TBCK: variants seen among roughly 807,000 people sequenced by gnomAD.
TBCK encodes TBC domain-containing protein kinase-like protein.
TBCK carries 99 observed loss-of-function variants against 113.4 expected under a neutral mutation model. That is an observed-to-expected ratio of 0.87 (90% CI 0.74 to 1.03). TBCK has a LOEUF of 1.03. Ranked by LOEUF, TBCK falls within the 50% of genes least tolerant of loss-of-function variation. The probability of loss-of-function intolerance (pLI) is 0.00; values close to 1 mark genes in which losing one functional copy is unlikely to be tolerated. For missense variants in TBCK, 1,045 were observed against 1,061.3 expected, an observed-to-expected ratio of 0.98 and a Z score of 0.21; for synonymous variants, 369 against 370.8, an observed-to-expected ratio of 1.00 and a Z score of 0.05.
Position 106,116,342 on chromosome 4 carries a change from C to G in TBCK, c.2272G>C (p.Glu758Gln). Residue 758 changes from glutamate to glutamine, a missense_variant, in exon 24 of 26, where the codon GAA becomes CAA. Coordinates refer to ENST00000394708, the MANE Select transcript of TBCK (RefSeq NM_001163435.3). ...ESIPLNDLKSEVSPRISAEDL... is the reference protein window; with the variant it reads ...ESIPLNDLKSQVSPRISAEDL... The stretch of plus-strand genomic sequence containing the variant: ...TCTGCTGAAATCCGTGGTGATACTT[C>G]TGACTTCAGGTCATTTAATGGGATG... 6.2e-7 allele frequency: 1 copy of G among 1,613,308 alleles called. No homozygotes were observed. Among genetic ancestry groups the G allele is most frequent in the Non-Finnish European group, 8.5e-7 (1 of 1,179,874 alleles).
chr4:106,120,330 C>G (rs1309599890), intron 23 of TBCK, among the ~76,000 whole-genome samples: 1 of 152,180 alleles, frequency 6.6e-6, no homozygotes, highest in Middle Eastern at 3.4e-3. Flanking sequence ...CACAGAGTCT[C>G]GCTGATTGCT....
At chr4:106,157,119 G>A (rs2149697124) in intron 23 of TBCK, among the ~76,000 whole-genome samples, 1 of 152,238 alleles carries the variant, frequency 6.6e-6, no homozygotes, top group East Asian at 1.9e-4. Context: ...TTCTGGCCCA[G>A]GGTGTGTCTA....
chr4:106,291,953 G>A (rs951891233), intron 3 of TBCK, among the ~76,000 whole-genome samples: 1 of 152,168 alleles, frequency 6.6e-6, no homozygotes, highest in Non-Finnish European at 1.5e-5. Flanking sequence ...TTGCTTTTGT[G>A]CAATATATTT....
chr4:106,150,405 A>G (rs1359613553), intron 23 of TBCK, among the ~76,000 whole-genome samples: 1 of 152,158 alleles, frequency 6.6e-6, no homozygotes, highest in Non-Finnish European at 1.5e-5. Flanking sequence ...TAAGCAACAC[A>G]TAGGGACTTT....
chr4:106,231,902 T>C (rs749221797), intron 17 of TBCK, 123 bp from the exon 18 acceptor site: 42 of 861,978 alleles, frequency 4.9e-5, no homozygotes, highest in Non-Finnish European at 6.9e-5. Context: ...GTATTATCCA[T>C]CCAGAAATAT....
chr4:106,173,382 T>C (rs1460230564), intron 22 of TBCK, among the ~76,000 whole-genome samples: 1 of 152,152 alleles, frequency 6.6e-6, no homozygotes, highest in Non-Finnish European at 1.5e-5. Flanking sequence ...TGGCAGCTAA[T>C]GAGAGAAAAT....
chr4:106,212,701 CT>C, intron 20 of TBCK, 48 bp downstream of exon 20: 1 of 1,342,784 alleles, frequency 7.4e-7, no homozygotes, highest in South Asian at 1.3e-5. Flanking sequence ...CTAATAATTT[CT>C]GCTTTTTTTT....
chr4:106,053,222 T>C (rs899715423), intron 25 of TBCK, among the ~76,000 whole-genome samples: 7 of 151,634 alleles, frequency 4.6e-5, no homozygotes, highest in Admixed American at 3.3e-4. Context: ...TCTAATGGTT[T>C]GTCCTATCTC....
intron 9 of TBCK, 46 bp downstream of exon 9, chr4:106,248,199 T>C (rs1394038587): frequency 3.0e-6 from 4 of 1,334,822 alleles, no homozygotes; most frequent in Non-Finnish European, 4.1e-6. Context: ...CAATTGCTTA[T>C]GCGTAAAGGA....
intron 19 of TBCK, chr4:106,213,780 G>C (rs184512502): frequency 1.3e-5 from 2 of 156,446 alleles, no homozygotes; most frequent in Admixed American, 6.5e-5. Flanking sequence ...AGGCGGCAGC[G>C]AGGCTGGGGG....
At chr4:106,062,856 C>T (rs368170192) in intron 25 of TBCK, among the ~76,000 whole-genome samples, 40 of 151,964 alleles carry the variant, frequency 2.6e-4, no homozygotes, top group African/African-American at 8.9e-4. Flanking sequence ...TTAAAAACTG[C>T]TTATATTTTA....
intron 20 of TBCK, among the ~76,000 whole-genome samples, chr4:106,209,441 C>G (rs1032768995): frequency 2.0e-5 from 3 of 152,094 alleles, no homozygotes; most frequent in African/African-American, 7.2e-5. Context: ...TCAATCCTCT[C>G]TTTTTAAATT....
intron 19 of TBCK, among the ~76,000 whole-genome samples, chr4:106,222,937 T>C (rs1560854746): frequency 6.6e-6 from 1 of 152,078 alleles, no homozygotes; most frequent in African/African-American, 2.4e-5. Context: ...TGAACCACTT[T>C]CTTTCCTTCT....
intron 20 of TBCK, among the ~76,000 whole-genome samples, chr4:106,211,047 C>G (rs1002715182): frequency 6.6e-6 from 1 of 152,092 alleles, no homozygotes; most frequent in African/African-American, 2.4e-5. Context: ...CCTGCCTCAG[C>G]CTTTCAAGCA....
chr4:106,271,414 T>G (rs1338280056), intron 3 of TBCK, among the ~76,000 whole-genome samples: 1 of 152,204 alleles, frequency 6.6e-6, no homozygotes. Context: ...CAATCACTTA[T>G]TTCAACCAGA....
chr4:106,043,756 TG>T lies in TBCK; in HGVS notation c.*2813del, dbSNP rs1733990815. ...ATGTGAGTGTGTGTGTGTGTGTGTG[TG>T]TATGTATATCTGTGTGGGCTGGTGG... is the stretch of plus-strand genomic sequence containing the variant. On this transcript the variant is annotated 3_prime_UTR_variant, in exon 26 of 26. Coordinates refer to ENST00000394708, the MANE Select transcript of TBCK (RefSeq NM_001163435.3). 6.6e-6 allele frequency: 1 copy of T among 152,028 alleles called. No homozygotes were observed. Among genetic ancestry groups the T allele is most frequent in the Non-Finnish European group, 1.5e-5 (1 of 68,028 alleles). 9.4% of individuals were successfully genotyped at this position (152,028 alleles called of 1,614,324 possible).
chr4:106,187,958 T>C (rs371920886), intron 22 of TBCK, among the ~76,000 whole-genome samples: 1 of 152,172 alleles, frequency 6.6e-6, no homozygotes, highest in Admixed American at 6.6e-5. Context: ...GCAGAGGCTA[T>C]GGGGATTTCT....
chr4:106,120,254 G>A (rs972159054), intron 23 of TBCK, among the ~76,000 whole-genome samples: 9 of 152,072 alleles, frequency 5.9e-5, no homozygotes, highest in South Asian at 2.1e-4. Context: ...TGCGCTTTTC[G>A]GACCCCCTTA....
chr4:106,156,644 C>A (rs1749157796), intron 23 of TBCK, among the ~76,000 whole-genome samples: 1 of 152,172 alleles, frequency 6.6e-6, no homozygotes, highest in African/African-American at 2.4e-5. Context: ...CACCCTATGA[C>A]CACCATCACA....
Sources: allele counts gnomAD v4.1 joint callset (sites outside exome capture counted in the v4.1 genomes callset), GRCh38; gene constraint gnomAD v4.1.1; transcripts MANE v1.5; gene names NCBI Gene and HGNC (gene_info 2026-07-23, HGNC 2026-07-21).